Variants in FBLN2 observed in about 807,000 individuals in gnomAD.
FBLN2 encodes the protein fibulin 2, also known as fibulin-2.
A neutral mutation model predicts 123.7 loss-of-function variants in FBLN2; 81 were observed. The ratio of observed to expected loss-of-function variants is 0.65; its 90% CI spans 0.55 to 0.79. The LOEUF (loss-of-function observed/expected upper bound fraction) is 0.79. Among genes scored for constraint, FBLN2 ranks in the 30% least tolerant of loss-of-function variants. The probability of loss-of-function intolerance (pLI) is 0.00; values close to 1 mark genes in which losing one functional copy is unlikely to be tolerated. For missense variants in FBLN2, 1,603 were observed against 1,681.3 expected (o/e 0.95, Z 0.81); for synonymous variants, 699 against 701.4 (o/e 1.00, Z 0.05).
intron 1 of FBLN2, among the ~76,000 whole-genome samples, chr3:13,553,861 G>T (rs1703394043): frequency 1.3e-5 from 2 of 152,240 alleles, no homozygotes; most frequent in East Asian, 3.9e-4. Flanking sequence ...CCAGTCCCAG[G>T]TCTCACACCT....
Position 13,637,547 on chromosome 3 carries a change from C to G in FBLN2, c.3339-15C>G. On this transcript the variant is annotated splice_polypyrimidine_tract_variant and intron_variant, in intron 17 of 17. Coordinates refer to ENST00000404922, the MANE Select transcript of FBLN2 (RefSeq NM_001004019.2). Reference sequence around the variant, plus strand: ...GTGGGCGAGCTGTGGGTGACCCGGCCTATCCTCCCTGCAGGAAGTGCGAGC... The same window carrying G: ...GTGGGCGAGCTGTGGGTGACCCGGCGTATCCTCCCTGCAGGAAGTGCGAGC... The G allele has an allele frequency of 1.3e-6, 2 of 1,586,594 alleles. No homozygotes were observed. The highest frequency in any genetic ancestry group is 1.7e-6 in the Non-Finnish European group (2 of 1,163,164).
chr3:13,592,256 C>T (rs1704701965), intron 2 of FBLN2, among the ~76,000 whole-genome samples: 1 of 152,118 alleles, frequency 6.6e-6, no homozygotes, highest in South Asian at 2.1e-4. Flanking sequence ...GAACTCCTGA[C>T]CTCAAGCAAT....
At chr3:13,636,651 C>T (rs1706483899) in intron 17 of FBLN2, 83 bp downstream of exon 17, 1 of 1,492,932 alleles carries the variant, frequency 6.7e-7, no homozygotes, top group African/African-American at 1.4e-5. Context: ...AGATGGGCGC[C>T]TGCCTTGATC....
intron 2 of FBLN2, among the ~76,000 whole-genome samples, chr3:13,598,666 G>T (rs568794582): frequency 1.3e-5 from 2 of 152,322 alleles, no homozygotes; most frequent in East Asian, 3.9e-4. Context: ...AGAGCCTGAA[G>T]TATTTCACCC....
chr3:13,565,933 A>G (rs572669309), intron 1 of FBLN2, among the ~76,000 whole-genome samples: 26 of 152,400 alleles, frequency 1.7e-4, no homozygotes, highest in African/African-American at 6.3e-4. Context: ...CAGTGGCATA[A>G]GAATGATAAT....
At chr3:13,612,307 C>CTTTCTTTCTTTCTT in intron 4 of FBLN2, among the ~76,000 whole-genome samples, 1 of 76,222 alleles carries the variant, frequency 1.3e-5, no homozygotes, top group African/African-American at 3.7e-5. Context: ...TTCTTTCTTT[C>CTTTCTTTCTTTCTT]TTTCTTTCTT....
chr3:13,582,468 T>C (rs113138680), intron 2 of FBLN2, among the ~76,000 whole-genome samples: 60 of 152,218 alleles, frequency 3.9e-4, no homozygotes, highest in African/African-American at 1.4e-3. Flanking sequence ...GGCTTTGAGG[T>C]GAAGCTTCTG....
chr3:13,583,619 C>G (rs945608774), intron 2 of FBLN2, among the ~76,000 whole-genome samples: 2 of 152,244 alleles, frequency 1.3e-5, no homozygotes, highest in African/African-American at 4.8e-5. Context: ...CTGCCCCAAC[C>G]CCTCAGGCCT....
At chr3:13,580,001 G>A (rs560738002) in intron 2 of FBLN2, among the ~76,000 whole-genome samples, 1 of 152,286 alleles carries the variant, frequency 6.6e-6, no homozygotes, top group South Asian at 2.1e-4. Context: ...GCAGAGGTTA[G>A]TTTTCCTGCT....
At chr3:13,607,977 TA>T in intron 2 of FBLN2, 84 bp from the exon 3 acceptor site, 2 of 1,062,914 alleles carry the variant, frequency 1.9e-6, no homozygotes, top group Non-Finnish European at 2.8e-6. Flanking sequence ...GCCTGCCCAG[TA>T]AAGGAGACCT....
At chr3:13,621,471 G>A (rs766554854) in intron 8 of FBLN2, among the ~76,000 whole-genome samples, 3 of 152,094 alleles carry the variant, frequency 2.0e-5, no homozygotes, top group Non-Finnish European at 4.4e-5. Flanking sequence ...TTCTCTTGGC[G>A]CCCGTGGATG....
intron 8 of FBLN2, among the ~76,000 whole-genome samples, chr3:13,621,035 G>A (rs930618900): frequency 6.6e-6 from 1 of 152,184 alleles, no homozygotes; most frequent in African/African-American, 2.4e-5. Flanking sequence ...TCTTTTCTGG[G>A]GCAGGCCTCC....
chr3:13,607,654 G>A (rs1214090650), intron 2 of FBLN2, among the ~76,000 whole-genome samples: 1 of 152,214 alleles, frequency 6.6e-6, no homozygotes, highest in Non-Finnish European at 1.5e-5. Context: ...CTGAGTTGGG[G>A]GGTCTTGTGC....
chr3:13,629,025 G>C lies in FBLN2; in HGVS notation c.2690G>C (p.Ser897Thr). 1 of 1,613,394 alleles carries C rather than the reference G, an allele frequency of 6.2e-7. No individual in the cohort carries two copies. Among genetic ancestry groups the C allele is most frequent in the Non-Finnish European group, 8.5e-7 (1 of 1,179,772 alleles). Residue 897 changes from serine to threonine, a missense_variant, in exon 12 of 18, where the codon AGC becomes ACC. Physicochemically the swap from Ser to Thr is moderately conservative, Grantham distance 58. Transcript: ENST00000404922. ...ATCTGCGCGCGCGGCTACCACGCCAGCGATGATGGGACCAAGTGTGTGGGT... is the reference window on the plus strand; with the variant it reads ...ATCTGCGCGCGCGGCTACCACGCCACCGATGATGGGACCAAGTGTGTGGGT... Reference protein sequence around the residue: ...PLICARGYHASDDGTKCVDVN... With the variant: ...PLICARGYHATDDGTKCVDVN...
intron 4 of FBLN2, among the ~76,000 whole-genome samples, chr3:13,610,951 A>G (rs936622872): frequency 1.4e-5 from 2 of 147,794 alleles, no homozygotes; most frequent in Non-Finnish European, 3.0e-5. Flanking sequence ...TCTGTCACCC[A>G]GGCTGGAGTG....
At chr3:13,617,338 G>A (rs570051149) in intron 5 of FBLN2, among the ~76,000 whole-genome samples, 10 of 147,058 alleles carry the variant, frequency 6.8e-5, no homozygotes, top group Non-Finnish European at 1.2e-4. Context: ...ATCCATTCAC[G>A]TATCCATCCA....
rs745598667 is a variant in FBLN2, at chr3:13,614,117, T to C, written c.1682T>C (p.Val561Ala). ...SCCEGEEPLI[V>A]PEVRRPPEPA... ...TGTGAGGGTGAAGAGCCTCTCATAGTACCTGAGGTTCGCCGACCTCCAGAG... is the reference window on the plus strand; with the variant it reads ...TGTGAGGGTGAAGAGCCTCTCATAGCACCTGAGGTTCGCCGACCTCCAGAG... Residue 561 changes from valine (V) to alanine (A), a missense_variant, in exon 5 of 18, where the codon GTA becomes GCA. By Grantham distance (64) the Val-to-Ala change is moderately conservative (BLOSUM62 0). Transcript: ENST00000404922. 7 of 1,613,328 alleles carry C rather than the reference T, an allele frequency of 4.3e-6. No individual in the cohort carries two copies. The South Asian group carries it at 4.4e-5, about 10-fold the overall frequency.
chr3:13,601,959 G>A (rs772056448), intron 2 of FBLN2, among the ~76,000 whole-genome samples: 13 of 152,144 alleles, frequency 8.5e-5, no homozygotes, highest in African/African-American at 2.7e-4. Context: ...CACCATGCCT[G>A]GTTAAATTTT....
rs188419725 is a variant in FBLN2, at chr3:13,604,525, T to C, written c.1307-3537T>C. ...CCATTTCTTGTTTTTGTCAGGTTTG[T>C]CAAAGATCAGATGGTTGTAGATGTG... On this transcript the variant is annotated intron_variant, in intron 2 of 17. Transcript: ENST00000404922. Among the ~76,000 whole-genome samples, 34 of 152,366 alleles carry C rather than the reference T, an allele frequency of 2.2e-4. 1 individual carries two copies. In the East Asian group the frequency reaches 6.4e-3, roughly 28 times the overall value.
Sources: gnomAD v4.1 joint callset for allele counts (sites outside exome capture counted in the v4.1 genomes callset) on GRCh38, gnomAD v4.1.1 for gene constraint, MANE v1.5 for transcripts, NCBI Gene and HGNC (gene_info 2026-07-23, HGNC 2026-07-21) for gene names.